Variants in SIPA1L1 observed in about 807,000 individuals in gnomAD.
SIPA1L1 encodes the protein signal induced proliferation associated 1 like 1.
A neutral mutation model predicts 162.7 loss-of-function variants in SIPA1L1; 26 were observed. The observed-to-expected ratio is 0.16, with a 90% CI of 0.12 to 0.22. The LOEUF (loss-of-function observed/expected upper bound fraction) is 0.22, where lower values mean the gene tolerates loss of function less well. SIPA1L1 is among the 10% of genes least tolerant of loss of function. The probability of loss-of-function intolerance (pLI) is 1.00; values close to 1 mark genes in which losing one functional copy is unlikely to be tolerated. For synonymous variants in SIPA1L1, 829 were observed against 837.4 expected (o/e 0.99, Z 0.17); for missense variants, 1,874 against 2,241.0 (o/e 0.84, Z 3.31).
At chr14:71,567,663 T>G (rs1326810840) in intron 4 of SIPA1L1, among the ~76,000 whole-genome samples, 1 of 150,628 alleles carries the variant, frequency 6.6e-6, no homozygotes, top group East Asian at 2.0e-4. Flanking sequence ...CCTCCCCTTT[T>G]TAGACCATAT....
intron 2 of SIPA1L1, among the ~76,000 whole-genome samples, chr14:71,335,637 T>C (rs1320293901): frequency 5.9e-5 from 9 of 152,210 alleles, no homozygotes; most frequent in African/African-American, 2.2e-4. Context: ...GGAACCATGT[T>C]TTTCAGGAGA....
intron 2 of SIPA1L1, among the ~76,000 whole-genome samples, chr14:71,368,142 CTT>C (rs755238643): frequency 2.6e-5 from 3 of 115,178 alleles, no homozygotes; most frequent in Non-Finnish European, 5.5e-5. Flanking sequence ...TTGTGGTATT[CTT>C]TTTTTTTTTT....
chr14:71,428,357 C>T (rs1038870986), intron 2 of SIPA1L1, among the ~76,000 whole-genome samples: 1 of 151,512 alleles, frequency 6.6e-6, no homozygotes, highest in African/African-American at 2.4e-5. Context: ...CTCCCCCTTC[C>T]TTATGATTTG....
intron 5 of SIPA1L1, among the ~76,000 whole-genome samples, chr14:71,606,411 C>T (rs1320983060): frequency 6.6e-6 from 1 of 152,000 alleles, no homozygotes; most frequent in African/African-American, 2.4e-5. Flanking sequence ...TGGTGGGGTT[C>T]CAGGAATGTG....
chr14:71,544,015 A>G (rs1476930308), intron 4 of SIPA1L1, among the ~76,000 whole-genome samples: 1 of 148,928 alleles, frequency 6.7e-6, no homozygotes, highest in Non-Finnish European at 1.5e-5. Context: ...ATGTATATAT[A>G]CACATACGCA....
At chr14:71,700,619 A>C (rs2082010803) in intron 14 of SIPA1L1, among the ~76,000 whole-genome samples, 1 of 152,228 alleles carries the variant, frequency 6.6e-6, no homozygotes, top group Non-Finnish European at 1.5e-5. Flanking sequence ...TCAGTATGTG[A>C]GATAGCTTTG....
At chr14:71,731,284 C>T (rs572803766) in intron 20 of SIPA1L1, among the ~76,000 whole-genome samples, 2 of 152,284 alleles carry the variant, frequency 1.3e-5, no homozygotes, top group East Asian at 3.9e-4. Flanking sequence ...AGCGCAGTCC[C>T]ACCCACCCTG....
intron 10 of SIPA1L1, among the ~76,000 whole-genome samples, chr14:71,670,667 C>T (rs17767761): frequency 0.03 from 4,619 of 152,194 alleles, 113 homozygotes; most frequent in Non-Finnish European, 0.046. Context: ...AAGCTGTCTG[C>T]TTATAGCCAT....
chr14:71,551,548 G>A (rs1567194671), intron 4 of SIPA1L1, among the ~76,000 whole-genome samples: 1 of 152,178 alleles, frequency 6.6e-6, no homozygotes, highest in Admixed American at 6.5e-5. Flanking sequence ...TACCAAAAGT[G>A]TCCAACTCTG....
At chr14:71,414,778 A>G (rs1290520213) in intron 2 of SIPA1L1, among the ~76,000 whole-genome samples, 1 of 152,176 alleles carries the variant, frequency 6.6e-6, no homozygotes, top group Non-Finnish European at 1.5e-5. Context: ...AATAATTGAG[A>G]AATGATCAGA....
At chr14:71,558,599 A>G (rs2056539780) in intron 4 of SIPA1L1, among the ~76,000 whole-genome samples, 3 of 152,172 alleles carry the variant, frequency 2.0e-5, no homozygotes. Context: ...TTGAACGGGC[A>G]TATGTGCACT....
At chr14:71,372,451 A>G (rs1448690067) in intron 2 of SIPA1L1, among the ~76,000 whole-genome samples, 2 of 152,122 alleles carry the variant, frequency 1.3e-5, no homozygotes, top group Non-Finnish European at 2.9e-5. Flanking sequence ...AGAGGAATTT[A>G]CTTCTTTTTC....
chr14:71,537,711 TC>T (rs1484573456), intron 4 of SIPA1L1, among the ~76,000 whole-genome samples: 3 of 151,700 alleles, frequency 2.0e-5, no homozygotes, highest in Non-Finnish European at 4.4e-5. Context: ...TTTTTTTTTC[TC>T]CCTTGACAGA....
At chr14:71,428,625 C>G (rs111982752) in intron 2 of SIPA1L1, among the ~76,000 whole-genome samples, 2,797 of 152,230 alleles carry the variant, frequency 0.018, 35 homozygotes, top group African/African-American at 0.028. Flanking sequence ...GAGAAGGGCT[C>G]TGGCCTGTTA....
rs1197455433 is a variant in SIPA1L1 at position 71,723,801 on chromosome 14, C to G, written c.4363C>G (p.Arg1455Gly). 6.2e-7 allele frequency: 1 copy of G among 1,614,076 alleles called. No homozygotes were observed. The highest frequency in any genetic ancestry group is 8.5e-7 in the Non-Finnish European group (1 of 1,180,046). Residue 1455 changes from arginine to glycine, a missense_variant, in exon 18 of 24, where the codon CGC (arginine) becomes GGC (glycine). By Grantham distance (125) the Arg-to-Gly change is moderately radical. Coordinates refer to ENST00000381232, the MANE Select transcript of SIPA1L1 (RefSeq NM_001386936.1). ...SSSGPRSFYPRQGATSKYLIG... is the reference protein window; with the variant it reads ...SSSGPRSFYPGQGATSKYLIG... ...CTCTGGTCCTAGGAGTTTTTACCCT[C>G]GCCAGGGCGCTACTAGCAAGTACCT...
intron 2 of SIPA1L1, among the ~76,000 whole-genome samples, chr14:71,409,748 A>G (rs1031461612): frequency 2.0e-5 from 3 of 152,270 alleles, no homozygotes; most frequent in African/African-American, 7.2e-5. Context: ...ATAGGCCATC[A>G]CATTGGCTAC....
Position 71,671,555 on chromosome 14 carries a change from A to G in SIPA1L1, c.2692A>G (p.Asn898Asp). The G allele has an allele frequency of 6.2e-7, 1 of 1,614,182 alleles. No individual in the cohort carries two copies. Among genetic ancestry groups the G allele is most frequent in the Non-Finnish European group, 8.5e-7 (1 of 1,180,038 alleles). Residue 898 changes from asparagine to aspartate, a missense_variant, in exon 11 of 24, where the codon AAT becomes GAT. Coordinates refer to ENST00000381232, the MANE Select transcript of SIPA1L1 (RefSeq NM_001386936.1). The stretch of plus-strand genomic sequence containing the variant: ...ACAGGAAACAAAGAGCGTGGTCTTC[A>G]ATTGTTCCTGTAGAGATGTGATAGG... Reference protein sequence around the residue: ...IEQETKSVVFNCSCRDVIGWT... With the variant: ...IEQETKSVVFDCSCRDVIGWT...
intron 2 of SIPA1L1, among the ~76,000 whole-genome samples, chr14:71,509,892 T>C (rs538865440): frequency 2.6e-5 from 4 of 152,186 alleles, no homozygotes; most frequent in Non-Finnish European, 5.9e-5. Flanking sequence ...ATCATGCCAG[T>C]TCAGGTTGAC....
At chr14:71,421,421 C>T (rs1480499809) in intron 2 of SIPA1L1, among the ~76,000 whole-genome samples, 2 of 151,812 alleles carry the variant, frequency 1.3e-5, no homozygotes, top group Non-Finnish European at 2.9e-5. Context: ...AGTGAGACCC[C>T]CATCTCTACA....
Sources: gnomAD v4.1 joint callset for allele counts (sites outside exome capture counted in the v4.1 genomes callset) on GRCh38, gnomAD v4.1.1 for gene constraint, MANE v1.5 for transcripts, NCBI Gene and HGNC (gene_info 2026-07-23, HGNC 2026-07-21) for gene names.